ACY3: variants seen among roughly 807,000 people sequenced by gnomAD.
ACY3 encodes aminoacylase 3.
A neutral mutation model predicts 24.6 loss-of-function variants in ACY3; 20 were observed. The observed-to-expected ratio is 0.81, with a 90% CI of 0.57 to 1.18. The LOEUF is 1.18. Ranked by LOEUF, ACY3 falls within the 50% of genes most tolerant of loss-of-function variation. The probability of loss-of-function intolerance (pLI) is 0.00; values close to 1 mark genes in which losing one functional copy is unlikely to be tolerated. For synonymous variants in ACY3, 174 were observed against 188.4 expected (o/e 0.92, Z 0.62); for missense variants, 423 against 426.8 (o/e 0.99, Z 0.08).
chr11:67,645,842 T>C lies in ACY3; in HGVS notation c.282A>G (p.Arg94=). The C allele has an allele frequency of 1.2e-6, 2 of 1,613,312 alleles. 1 individual carries two copies. The highest frequency in any genetic ancestry group is 2.2e-5 in the South Asian group (2 of 91,034). ...PDDPYEVTRA[R]ELNQLLGPKA... Reference sequence around the variant, plus strand: ...TGGGCCCCAGCAGCTGGTTCAGCTCTCGGGCTCTTGTCACCTCATATGGGT... The same window carrying C: ...TGGGCCCCAGCAGCTGGTTCAGCTCCCGGGCTCTTGTCACCTCATATGGGT... Residue 94 remains arginine, a synonymous_variant, in exon 4 of 8, where the codon CGA becomes CGG. Transcript: ENST00000255082.
At chr11:67,650,313 T>C (rs1565240784) in intron 1 of ACY3, among the ~76,000 whole-genome samples, 2 of 152,140 alleles carry the variant, frequency 1.3e-5, no homozygotes. Flanking sequence ...CACGCCTCAT[T>C]ACCCTATGCT....
chr11:67,644,935 G>A (rs1855482236), intron 6 of ACY3, 66 bp from the exon 7 acceptor site: 2 of 1,589,886 alleles, frequency 1.3e-6, no homozygotes, highest in African/African-American at 1.3e-5. Flanking sequence ...CTGGGCCGTG[G>A]GGGTACGTCA....
At chr11:67,648,312 G>A (rs2134113079) in intron 1 of ACY3, among the ~76,000 whole-genome samples, 1 of 152,178 alleles carries the variant, frequency 6.6e-6, no homozygotes, top group South Asian at 2.1e-4. Flanking sequence ...GCGGGCTGCA[G>A]GTGGCGCACA....
At position 67,645,140 on chromosome 11, in the gene ACY3, C is replaced by T. The variant is rs554077803; in HGVS notation, c.539G>A (p.Gly180Asp). 7 of 1,612,220 alleles carry T rather than the reference C, an allele frequency of 4.3e-6. No individual in the cohort carries two copies. Among genetic ancestry groups the T allele is most frequent in the Non-Finnish European group, 5.9e-6 (7 of 1,179,398 alleles). ...CCGCAGCACACCCTGTGGCTGGGGG[C>T]CCAGCTCCAGACCTGGGGACCAGGA... ...VAKNGLGLEL[G>D]PQPQGVLRAD... Residue 180 changes from glycine to aspartate, a missense_variant, in exon 6 of 8, where the codon GGC becomes GAC. Transcript: ENST00000255082.
rs1282261929 is a variant in ACY3 at position 67,642,617 on chromosome 11, G to A, written c.*107C>T. 9.0e-6 allele frequency: 11 copies of A among 1,220,026 alleles called. No homozygotes were observed. Among genetic ancestry groups the A allele is most frequent in the Non-Finnish European group, 1.3e-5 (11 of 831,186 alleles). The allele number at this position is 1,220,026 out of a possible 1,614,324, so 75.6% of individuals were successfully genotyped here. A position where few individuals can be genotyped will look rare whatever the true frequency, so the allele number is the denominator to read the frequency against. On this transcript the variant is annotated 3_prime_UTR_variant, in exon 8 of 8. Transcript: ENST00000255082. ...GCCAGGGGTTGGGGAGGCCTGGCAAGGAACATGGTGCATGGTAGGTGGCAG... is the reference window on the plus strand; with the variant it reads ...GCCAGGGGTTGGGGAGGCCTGGCAAAGAACATGGTGCATGGTAGGTGGCAG...
chr11:67,649,763 A>T (rs1197758816), intron 1 of ACY3, among the ~76,000 whole-genome samples: 1 of 140,302 alleles, frequency 7.1e-6, no homozygotes, highest in African/African-American at 2.8e-5. Flanking sequence ...GTGTGACAGC[A>T]TGCATGTGTG....
Position 67,642,758 on chromosome 11 carries a change from G to A in ACY3, c.926C>T (p.Pro309Leu), listed in dbSNP as rs1855431304. ...TGGGCTCGGGGCAGGGGTCAGCGCG[G>A]GCATGGCAGGCACGGTGAATGTGAA... Reference protein sequence around the residue: ...EKFTFTVPAMPALTPAPSPAS With the variant: ...EKFTFTVPAMLALTPAPSPAS The change falls in exon 8 of 8, where the codon CCC becomes CTC. Residue 309 changes from proline to leucine, a missense_variant. Transcript: ENST00000255082. The A allele has an allele frequency of 6.2e-7, 1 of 1,614,048 alleles. No homozygotes were observed. The highest frequency in any genetic ancestry group is 1.3e-5 in the African/African-American group (1 of 74,928).
In ACY3 at chr11:67,645,773, G is replaced by A. The variant is rs1855505122; in HGVS notation, c.351C>T (p.Asn117=). 2 of 1,613,900 alleles carry A rather than the reference G, an allele frequency of 1.2e-6. No individual in the cohort carries two copies. The highest frequency in any genetic ancestry group is 3.3e-5 in the Admixed American group (2 of 59,992). Residue 117 remains asparagine (N), a synonymous_variant, in exon 4 of 8, where the codon AAC becomes AAT. Transcript: ENST00000255082. Reference sequence around the variant, plus strand: ...AGCAGGTGCCCATGTTGGCCGTGGTGTTGTGCAGGTCAAGGACAAAGTCAA... The same window carrying A: ...AGCAGGTGCCCATGTTGGCCGTGGTATTGTGCAGGTCAAGGACAAAGTCAA... ...QAFDFVLDLH[N]TTANMGTCLI...
intron 7 of ACY3, among the ~76,000 whole-genome samples, chr11:67,644,544 G>T (rs1380463240): frequency 6.6e-6 from 1 of 152,162 alleles, no homozygotes; most frequent in African/African-American, 2.4e-5. Context: ...CTTGTGCTAG[G>T]CCTGAGTGTG....
intron 5 of ACY3, 63 bp downstream of exon 5, chr11:67,645,224 G>C: frequency 6.2e-7 from 1 of 1,606,594 alleles, no homozygotes; most frequent in Non-Finnish European, 8.5e-7. Flanking sequence ...CTGCCCCTTG[G>C]TGACTGGACC....
At position 67,645,932 on chromosome 11, in the gene ACY3, C is replaced by A; in HGVS notation, c.237-45G>T. ...GGACACCGATCTTCACAGTCTCAGTCAGTCTTCAGTGGTTTAAGGGGAAAG... is the reference window on the plus strand; with the variant it reads ...GGACACCGATCTTCACAGTCTCAGTAAGTCTTCAGTGGTTTAAGGGGAAAG... On this transcript the variant is annotated intron_variant, in intron 3 of 7. Transcript: ENST00000255082. 4 of 1,533,236 alleles carry A rather than the reference C, an allele frequency of 2.6e-6. No individual in the cohort carries two copies. In the South Asian group the frequency reaches 5.0e-5, roughly 19 times the overall value. 95.0% of individuals were successfully genotyped at this position (1,533,236 alleles called of 1,614,324 possible). A position where few individuals can be genotyped will look rare whatever the true frequency, so the allele number is the denominator to read the frequency against.
In ACY3 at chr11:67,645,576, G is replaced by A. The variant is rs1301075586; in HGVS notation, c.432+116C>T. ...GGCAGACCCCAGGGACTGGAGCCCA[G>A]GGGAAACTAGGCCCGGGGAAGAGGG... is the stretch of plus-strand genomic sequence containing the variant. On this transcript the variant is annotated intron_variant, in intron 4 of 7. Coordinates refer to ENST00000255082, the MANE Select transcript of ACY3 (RefSeq NM_080658.2). 7 of 1,358,000 alleles carry A rather than the reference G, an allele frequency of 5.2e-6. No individual in the cohort carries two copies. In the Admixed American group the frequency reaches 1.6e-4, roughly 30 times the overall value. The allele number at this position is 1,358,000 out of a possible 1,614,324, so 84.1% of individuals were successfully genotyped here.
rs200354858 is a variant in ACY3, at chr11:67,649,746, T to TGC, written c.-95+835_-95+836dup. Among the ~76,000 whole-genome samples, 756 of 146,634 alleles carry TGC rather than the reference T, an allele frequency of 5.2e-3. 9 individuals carry two copies. Among genetic ancestry groups the TGC allele is most frequent in the African/African-American group, 0.019 (705 of 36,582 alleles). Reference sequence around the variant, plus strand: ...GTGCATGAGAGCATGTGTGCGTGTGTGCGCATGTGTGACAGCATGCATGTG... The same window carrying TGC: ...GTGCATGAGAGCATGTGTGCGTGTGTGCGCGCATGTGTGACAGCATGCATGTG... On this transcript the variant is annotated intron_variant, in intron 1 of 7. Coordinates refer to ENST00000255082, the MANE Select transcript of ACY3 (RefSeq NM_080658.2).
chr11:67,642,936 G>C lies in ACY3; in HGVS notation c.748C>G (p.Arg250Gly). 6.2e-7 allele frequency: 1 copy of C among 1,612,936 alleles called. No homozygotes were observed. Among genetic ancestry groups the C allele is most frequent in the East Asian group, 2.2e-5 (1 of 44,850 alleles). ...AGTVHPQLQD[R>G]DFQPLQPGAP... ...CCAGGCTGCAGTGGCTGGAAGTCTC[G>C]GTCCTGGGAGGAGAGCCAAAGGCCA... is the stretch of plus-strand genomic sequence containing the variant. Residue 250 changes from arginine to glycine, a missense_variant, in exon 8 of 8, where the codon CGA (arginine) becomes GGA (glycine). Physicochemically the swap from Arg to Gly is moderately radical, Grantham distance 125. Coordinates refer to ENST00000255082, the MANE Select transcript of ACY3 (RefSeq NM_080658.2).
At chr11:67,644,729 CCA>C (rs1855473191) in intron 7 of ACY3, 29 bp downstream of exon 7, 2 of 1,304,686 alleles carry the variant, frequency 1.5e-6, no homozygotes, top group African/African-American at 2.2e-5. Flanking sequence ...AAATCACCCC[CCA>C]CCACACACAC....
chr11:67,646,677 GA>G, intron 3 of ACY3, 130 bp downstream of exon 3: 1 of 895,766 alleles, frequency 1.1e-6, no homozygotes, highest in Non-Finnish European at 1.8e-6. Context: ...TCCCGTGGAG[GA>G]ATGGGCCACA....
chr11:67,648,950 G>A (rs1353602744), intron 1 of ACY3, among the ~76,000 whole-genome samples: 1 of 152,146 alleles, frequency 6.6e-6, no homozygotes, highest in Admixed American at 6.5e-5. Context: ...ACTCCTCCTG[G>A]CACCTGGAGC....
At position 67,642,627 on chromosome 11, in the gene ACY3, G is replaced by A. The variant is rs958440108; in HGVS notation, c.*97C>T. On this transcript the variant is annotated 3_prime_UTR_variant, in exon 8 of 8. Coordinates refer to ENST00000255082, the MANE Select transcript of ACY3 (RefSeq NM_080658.2). The stretch of plus-strand genomic sequence containing the variant: ...GGGGAGGCCTGGCAAGGAACATGGT[G>A]CATGGTAGGTGGCAGAAGGGACCTC... 3 of 1,297,142 alleles carry A rather than the reference G, an allele frequency of 2.3e-6. No individual in the cohort carries two copies. The highest frequency in any genetic ancestry group is 3.3e-6 in the Non-Finnish European group (3 of 895,796). 80.4% of individuals were successfully genotyped at this position (1,297,142 alleles called of 1,614,324 possible).
In ACY3 at chr11:67,646,812, G is replaced by A. The variant is rs1479876621; in HGVS notation, c.232C>T (p.Leu78Phe). Residue 78 changes from leucine (L) to phenylalanine (F), a missense_variant, in exon 3 of 8, where the codon CTC becomes TTC. Leu to Phe is a conservative substitution (Grantham distance 22, BLOSUM62 0). Transcript: ENST00000255082. ...CCTGGCGGCAAAAGCACTCACTTGA[G>A]GAAGCTGCTGGTGAAGGTGCGGTTG... is the stretch of plus-strand genomic sequence containing the variant. Reference protein sequence around the residue: ...DLNRTFTSSFLNSRPTPDDPY... With the variant: ...DLNRTFTSSFFNSRPTPDDPY... The A allele has an allele frequency of 1.2e-6, 2 of 1,612,754 alleles. No homozygotes were observed. Among genetic ancestry groups the A allele is most frequent in the Non-Finnish European group, 1.7e-6 (2 of 1,179,830 alleles).
Sources: gnomAD v4.1 joint callset for allele counts (sites outside exome capture counted in the v4.1 genomes callset) on GRCh38, gnomAD v4.1.1 for gene constraint, MANE v1.5 for transcripts, NCBI Gene and HGNC (gene_info 2026-07-23, HGNC 2026-07-21) for gene names.